The following DYM variants were observed in gnomAD, a reference collection of about 807,000 sequenced individuals.
The protein encoded by DYM is dymeclin.
DYM carries 78 observed loss-of-function variants against 93.1 expected under a neutral mutation model. The observed-to-expected ratio is 0.84, with a 90% CI of 0.70 to 1.01. The LOEUF (loss-of-function observed/expected upper bound fraction) is 1.01. Among genes scored for constraint, DYM ranks in the 50% least tolerant of loss-of-function variants. DYM has a pLI of 0.00. For missense variants in DYM, 789 were observed against 845.0 expected (o/e 0.93, Z 0.82); for synonymous variants, 321 against 319.7 (o/e 1.00, Z -0.04).
At chr18:49,423,525 G>A (rs1022204392) in intron 2 of DYM, among the ~76,000 whole-genome samples, 2 of 152,086 alleles carry the variant, frequency 1.3e-5, no homozygotes, top group Admixed American at 1.3e-4. Flanking sequence ...GCTGGCAGAA[G>A]GCAAGAAATA....
rs1393322486 is a variant in DYM, at chr18:49,460,576, G to T, written c.-232C>A. The T allele has an allele frequency of 6.6e-6, 1 of 152,154 alleles. No homozygotes were observed. Among genetic ancestry groups the T allele is most frequent in the Non-Finnish European group, 1.5e-5 (1 of 68,070 alleles). 9.4% of individuals were successfully genotyped at this position (152,154 alleles called of 1,614,324 possible). Reference sequence around the variant, plus strand: ...AGATCCGGCTCCGGTCCGGCCTGCAGCTCGGCCCCGGCTCGGCTCCAGCCC... The same window carrying T: ...AGATCCGGCTCCGGTCCGGCCTGCATCTCGGCCCCGGCTCGGCTCCAGCCC... On this transcript the variant is annotated 5_prime_UTR_variant, in exon 1 of 18. It adds an upstream start codon to the 5' untranslated region. Transcript: ENST00000675505.
At chr18:49,115,931 T>C (rs2081886427) in intron 16 of DYM, 1 of 152,144 alleles carries the variant, frequency 6.6e-6, no homozygotes, top group Non-Finnish European at 1.5e-5. Flanking sequence ...TGGGAATCCT[T>C]ATAGCAGTTT....
At chr18:49,114,677 G>GTT (rs1328070409) in intron 16 of DYM, 1 of 544,750 alleles carries the variant, frequency 1.8e-6, no homozygotes, top group African/African-American at 2.1e-5. Context: ...TTTCGTGTGT[G>GTT]TGTGTGTGTG....
chr18:49,309,427 G>A (rs2061461020), intron 8 of DYM, among the ~76,000 whole-genome samples: 1 of 152,150 alleles, frequency 6.6e-6, no homozygotes, highest in African/African-American at 2.4e-5. Context: ...TAGAGGCCAG[G>A]AGTTTGAGAC....
chr18:49,212,216 T>G (rs921919712), intron 13 of DYM, among the ~76,000 whole-genome samples: 2 of 152,214 alleles, frequency 1.3e-5, no homozygotes, highest in East Asian at 3.8e-4. Flanking sequence ...GACAACTATA[T>G]GTAACATGAT....
intron 1 of DYM, among the ~76,000 whole-genome samples, chr18:49,459,447 T>C (rs1326607104): frequency 6.6e-6 from 1 of 152,124 alleles, no homozygotes; most frequent in African/African-American, 2.4e-5. Flanking sequence ...ATAGATTCTC[T>C]TCCCTTCCAC....
In DYM at chr18:49,456,746, AGTAAT is replaced by A. The variant is rs1218818229; in HGVS notation, c.-54+3647_-54+3651del. ...CACTAGTTCATTTTGTCTAGAATTA[AGTAAT>A]GTGAGGATAACTTACAAACTGTTTA... On this transcript the variant is annotated intron_variant, in intron 1 of 17. Transcript: ENST00000675505. Among the ~76,000 whole-genome samples, 4 of 152,244 alleles carry A rather than the reference AGTAAT, an allele frequency of 2.6e-5. No homozygotes were observed. In the East Asian group the frequency reaches 7.7e-4, roughly 29 times the overall value.
intron 15 of DYM, among the ~76,000 whole-genome samples, chr18:49,162,760 T>C (rs1159898300): frequency 5.3e-5 from 8 of 152,198 alleles, no homozygotes; most frequent in Admixed American, 5.2e-4. Flanking sequence ...GCCAATTAGA[T>C]TCTCTTTCTC....
At chr18:49,245,389 G>A (rs145080128) in intron 13 of DYM, among the ~76,000 whole-genome samples, 274 of 152,268 alleles carry the variant, frequency 1.8e-3, no homozygotes, top group Non-Finnish European at 3.1e-3. Flanking sequence ...TGCAGAAAGC[G>A]AGTAGGAGAA....
Position 49,088,846 on chromosome 18 carries a change from C to A in DYM, c.2025+8556G>T, listed in dbSNP as rs554431965. On this transcript the variant is annotated intron_variant, in intron 17 of 17. Transcript: ENST00000675505. ...CTTGTCTGTCACCCAGGGTGGAGTA[C>A]AGTGGTAGGATCAGGGCTCACTGCA... Among the ~76,000 whole-genome samples, 5 of 152,242 alleles carry A rather than the reference C, an allele frequency of 3.3e-5. No individual in the cohort carries two copies. The East Asian group carries it at 9.7e-4, about 29-fold the overall frequency.
intron 16 of DYM, among the ~76,000 whole-genome samples, chr18:49,099,424 G>C (rs2145597580): frequency 6.6e-6 from 1 of 152,168 alleles, no homozygotes; most frequent in South Asian, 2.1e-4. Flanking sequence ...TCAGAATCCA[G>C]ACCAGAGGTT....
chr18:49,363,120 A>T (rs1445475929), intron 6 of DYM, 41 bp downstream of exon 6: 10 of 1,517,356 alleles, frequency 6.6e-6, no homozygotes, highest in Non-Finnish European at 9.2e-6. Flanking sequence ...TCTGCCATAT[A>T]CAAAGAAGAT....
At chr18:49,446,219 C>T (rs1296848329) in intron 1 of DYM, among the ~76,000 whole-genome samples, 2 of 151,694 alleles carry the variant, frequency 1.3e-5, no homozygotes, top group African/African-American at 4.8e-5. Context: ...GCTAGGAGTT[C>T]AAGAACGGCC....
At chr18:49,286,102 G>A (rs568293475) in intron 9 of DYM, among the ~76,000 whole-genome samples, 2 of 151,834 alleles carry the variant, frequency 1.3e-5, no homozygotes, top group African/African-American at 4.8e-5. Flanking sequence ...CTAGAACACA[G>A]ACTTTAACTG....
intron 8 of DYM, among the ~76,000 whole-genome samples, chr18:49,292,340 A>AGGCAGGCAGG (rs1568187464): frequency 3.1e-5 from 3 of 95,412 alleles, no homozygotes; most frequent in Non-Finnish European, 6.6e-5. Flanking sequence ...AGGCAGGCAG[A>AGGCAGGCAGG]CAGACAGACA....
At chr18:49,440,399 GCATATTATATATGC>G (rs2081247313) in intron 1 of DYM, among the ~76,000 whole-genome samples, 1 of 117,846 alleles carries the variant, frequency 8.5e-6, no homozygotes, top group African/African-American at 3.5e-5. Flanking sequence ...ATATAATATA[GCATATTATATATGC>G]TATATAATAT....
intron 15 of DYM, among the ~76,000 whole-genome samples, chr18:49,139,829 T>C (rs1025211762): frequency 1.3e-5 from 2 of 152,198 alleles, no homozygotes; most frequent in Non-Finnish European, 2.9e-5. Context: ...CAAATTTGTT[T>C]TTTAACTCTC....
chr18:49,169,225 G>T (rs1236772066), intron 14 of DYM, among the ~76,000 whole-genome samples: 6 of 152,212 alleles, frequency 3.9e-5, no homozygotes, highest in African/African-American at 1.2e-4. Flanking sequence ...GAATGTTAGG[G>T]GAACACAGGT....
At chr18:49,195,882 C>T (rs1340436635) in intron 14 of DYM, among the ~76,000 whole-genome samples, 1 of 144,054 alleles carries the variant, frequency 6.9e-6, no homozygotes, top group East Asian at 2.1e-4. Flanking sequence ...CCAAATACTT[C>T]ATTATCTAAT....
Sources: gnomAD v4.1 joint callset for allele counts (sites outside exome capture counted in the v4.1 genomes callset) on GRCh38, gnomAD v4.1.1 for gene constraint, MANE v1.5 for transcripts, NCBI Gene and HGNC (gene_info 2026-07-23, HGNC 2026-07-21) for gene names.